MEI1: variants seen among roughly 807,000 people sequenced by gnomAD.
MEI1 encodes the protein meiosis inhibitor protein 1.
A neutral mutation model predicts 146.2 loss-of-function variants in MEI1; 103 were observed. The observed-to-expected ratio is 0.70, with a 90% CI of 0.60 to 0.83. The LOEUF is 0.83. Among genes scored for constraint, MEI1 ranks in the 40% least tolerant of loss-of-function variants. The pLI is 0.00. For synonymous variants in MEI1, 652 were observed against 628.2 expected (o/e 1.04, Z -0.57); for missense variants, 1,529 against 1,533.0 (o/e 1.00, Z 0.04).
intron 27 of MEI1, 61 bp from the exon 28 acceptor site, chr22:41,794,310 C>A: frequency 7.0e-7 from 1 of 1,420,384 alleles, no homozygotes; most frequent in Non-Finnish European, 1.0e-6. Context: ...GGAGAAGGTC[C>A]TCTTGAGCAA....
At chr22:41,787,852 A>G (rs2148208110) in intron 26 of MEI1, among the ~76,000 whole-genome samples, 1 of 152,304 alleles carries the variant, frequency 6.6e-6, no homozygotes, top group South Asian at 2.1e-4. Flanking sequence ...AGGAAACACA[A>G]ATAACTACAT....
chr22:41,729,788 A>C lies in MEI1; in HGVS notation c.979+9A>C. On this transcript the variant is annotated intron_variant, in intron 8 of 30. Transcript: ENST00000401548. The stretch of plus-strand genomic sequence containing the variant: ...CCACGCTGACATCCCAGGTAGGGGA[A>C]CACTTCTAACCTTCTCCTCCCTATA... 6.3e-7 allele frequency: 1 copy of C among 1,579,188 alleles called. No homozygotes were observed. The highest frequency in any genetic ancestry group is 1.2e-5 in the South Asian group (1 of 86,650).
chr22:41,705,526 T>C lies in MEI1; in HGVS notation c.321T>C (p.Asp107=). 6.2e-7 allele frequency: 1 copy of C among 1,613,692 alleles called. No individual in the cohort carries two copies. Among genetic ancestry groups the C allele is most frequent in the South Asian group, 1.1e-5 (1 of 91,088 alleles). Residue 107 remains aspartate (D), a synonymous_variant, in exon 3 of 31, where the codon GAT becomes GAC. Coordinates refer to ENST00000401548, the MANE Select transcript of MEI1 (RefSeq NM_152513.4). ...VLFGLLCSME[D]GSVTDLCIEV... is the part of the protein sequence containing the mutation. ...AAGGACTATTATGCAGCATGGAAGATGGGAGTGTGACAGACCTCTGTATTG... is the reference window on the plus strand; with the variant it reads ...AAGGACTATTATGCAGCATGGAAGACGGGAGTGTGACAGACCTCTGTATTG...
chr22:41,731,964 C>G (rs184109700), intron 9 of MEI1, among the ~76,000 whole-genome samples: 1 of 152,170 alleles, frequency 6.6e-6, no homozygotes, highest in East Asian at 1.9e-4. Flanking sequence ...AGGAGTATGC[C>G]AAGTGGAGAA....
chr22:41,714,425 G>A (rs1287808070), intron 4 of MEI1, among the ~76,000 whole-genome samples: 2 of 151,958 alleles, frequency 1.3e-5, no homozygotes, highest in Non-Finnish European at 2.9e-5. Flanking sequence ...GTCTTGTTTT[G>A]GTGGTTTTAT....
intron 3 of MEI1, among the ~76,000 whole-genome samples, chr22:41,712,276 C>T (rs557469396): frequency 6.7e-6 from 1 of 149,458 alleles, no homozygotes; most frequent in African/African-American, 2.5e-5. Context: ...GCTCTGTTGC[C>T]CAGGCTGGAG....
Position 41,763,075 on chromosome 22 carries a change from C to T in MEI1, c.2121-99C>T, listed in dbSNP as rs768071148. The T allele has an allele frequency of 3.7e-6, 5 of 1,357,542 alleles. No individual in the cohort carries two copies. The African/African-American group carries it at 4.3e-5, about 12-fold the overall frequency. 84.1% of individuals were successfully genotyped at this position (1,357,542 alleles called of 1,614,324 possible). A position where few individuals can be genotyped will look rare whatever the true frequency, so the allele number is the denominator to read the frequency against. On this transcript the variant is annotated intron_variant, in intron 18 of 30. Transcript: ENST00000401548. ...TCATTAGGCTGTGGGCATATTGGGG[C>T]AGGACAGTGGGCTGAGGAAGGATGC...
At chr22:41,713,423 C>T (rs1665401298) in intron 3 of MEI1, among the ~76,000 whole-genome samples, 1 of 151,140 alleles carries the variant, frequency 6.6e-6, no homozygotes, top group Admixed American at 6.6e-5. Flanking sequence ...GCTATGATCA[C>T]ACCACTGCAC....
chr22:41,732,686 A>G, intron 11 of MEI1, 83 bp downstream of exon 11: 6 of 1,434,938 alleles, frequency 4.2e-6, no homozygotes, highest in Non-Finnish European at 5.6e-6. Context: ...ATATTTAAGT[A>G]TCCCTAGATT....
chr22:41,764,642 G>A (rs1196669113), intron 19 of MEI1, among the ~76,000 whole-genome samples: 2 of 152,358 alleles, frequency 1.3e-5, no homozygotes, highest in East Asian at 3.9e-4. Flanking sequence ...TGATGAATCA[G>A]ACGTGGTCCT....
At chr22:41,715,310 T>C (rs1188152714) in intron 4 of MEI1, among the ~76,000 whole-genome samples, 2 of 152,148 alleles carry the variant, frequency 1.3e-5, no homozygotes, top group South Asian at 2.1e-4. Context: ...ATATGGACTA[T>C]TGACTCTCCC....
intron 16 of MEI1, chr22:41,753,653 AT>A: frequency 4.9e-6 from 1 of 205,440 alleles, no homozygotes. Flanking sequence ...CTAATTTTGT[AT>A]TTTTAGTAGA....
At chr22:41,755,326 C>G (rs536056397) in intron 17 of MEI1, among the ~76,000 whole-genome samples, 1 of 152,312 alleles carries the variant, frequency 6.6e-6, no homozygotes, top group African/African-American at 2.4e-5. Flanking sequence ...CCCCCACTCT[C>G]TACACCTGCT....
chr22:41,779,204 T>C (rs905628372), intron 22 of MEI1, among the ~76,000 whole-genome samples: 2 of 151,826 alleles, frequency 1.3e-5, no homozygotes, highest in African/African-American at 4.8e-5. Flanking sequence ...TCCTAGCACT[T>C]TGGGAGGCTG....
intron 20 of MEI1, among the ~76,000 whole-genome samples, chr22:41,775,811 G>A (rs188297732): frequency 9.2e-5 from 14 of 152,114 alleles, no homozygotes; most frequent in Admixed American, 8.5e-4. Flanking sequence ...AGCCAGGATG[G>A]TCTCAATCTC....
intron 26 of MEI1, among the ~76,000 whole-genome samples, chr22:41,792,378 GCCCCT>G (rs2076210528): frequency 1.3e-5 from 2 of 152,262 alleles, no homozygotes; most frequent in Admixed American, 1.3e-4. Context: ...CTGTGTCAAA[GCCCCT>G]GCCCAGCCTC....
In MEI1 at chr22:41,795,271, C is replaced by A; in HGVS notation, c.3535-140C>A. ...CCCATGACACAGTCCCACCTCTGCC[C>A]ACTAACTCTGAGCTCCTTGAAGGCA... On this transcript the variant is annotated intron_variant, in intron 28 of 30. Transcript: ENST00000401548. The surrounding 1 kb of genome is among the most constrained non-coding windows in gnomAD (Gnocchi z 4.2). The A allele has an allele frequency of 8.8e-7, 1 of 1,140,362 alleles. No homozygotes were observed. Among genetic ancestry groups the A allele is most frequent in the Non-Finnish European group, 1.3e-6 (1 of 798,134 alleles). 70.6% of individuals were successfully genotyped at this position (1,140,362 alleles called of 1,614,324 possible).
intron 18 of MEI1, among the ~76,000 whole-genome samples, chr22:41,761,895 G>T (rs2074517652): frequency 6.6e-6 from 1 of 152,104 alleles, no homozygotes; most frequent in Non-Finnish European, 1.5e-5. Context: ...TTTGTGTCTG[G>T]CTTCTTCCAC....
At chr22:41,740,760 A>C (rs1486450742) in intron 11 of MEI1, among the ~76,000 whole-genome samples, 1 of 152,078 alleles carries the variant, frequency 6.6e-6, no homozygotes, top group Non-Finnish European at 1.5e-5. Flanking sequence ...AAACAAACCC[A>C]AGAATTTAAA....
Sources: allele counts gnomAD v4.1 joint callset (sites outside exome capture counted in the v4.1 genomes callset), GRCh38; gene constraint gnomAD v4.1.1; non-coding constraint Gnocchi (gnomAD v3.1); transcripts MANE v1.5; gene names NCBI Gene and HGNC (gene_info 2026-07-23, HGNC 2026-07-21).